The following DDX6 variants were observed in gnomAD, a reference collection of about 807,000 sequenced individuals.
The protein encoded by DDX6 is DEAD-box helicase 6, also known as probable ATP-dependent RNA helicase DDX6.
A neutral mutation model predicts 60.6 loss-of-function variants in DDX6; 7 were observed. The ratio of observed to expected loss-of-function variants is 0.12; its 90% confidence interval spans 0.07 to 0.22. The LOEUF (loss-of-function observed/expected upper bound fraction) is 0.22, where lower values mean the gene tolerates loss of function less well. Ranked by LOEUF, DDX6 falls within the 10% of genes least tolerant of loss-of-function variation. DDX6 has a pLI of 1.00. For missense variants in DDX6, 270 were observed against 589.9 expected (o/e 0.46, Z 5.62); for synonymous variants, 207 against 201.0 (o/e 1.03, Z -0.25).
chr11:118,790,056 C>T (rs983835959), intron 1 of DDX6: 2 of 152,220 alleles, frequency 1.3e-5, no homozygotes, highest in African/African-American at 4.8e-5. Context: ...ACAGTATCGT[C>T]ATCGCCAACA....
At chr11:118,782,054 A>G (rs987605461) in intron 2 of DDX6, among the ~76,000 whole-genome samples, 5 of 151,942 alleles carry the variant, frequency 3.3e-5, no homozygotes, top group Non-Finnish European at 7.4e-5. Flanking sequence ...CTCTACCAAA[A>G]ATACAAAAAT....
chr11:118,779,481 G>C, intron 4 of DDX6, 151 bp downstream of exon 4: 1 of 553,798 alleles, frequency 1.8e-6, no homozygotes, highest in Non-Finnish European at 3.2e-6. Context: ...TAAAAGCCAT[G>C]ATTTTCTAAT....
intron 4 of DDX6, among the ~76,000 whole-genome samples, chr11:118,779,317 G>GA (rs774023266): frequency 2.4e-4 from 36 of 151,922 alleles, no homozygotes; most frequent in Non-Finnish European, 4.0e-4. Context: ...CTGTATAGAA[G>GA]AAAAAAACTG....
chr11:118,764,052 A>G (rs1353608243), intron 6 of DDX6, among the ~76,000 whole-genome samples: 2 of 152,134 alleles, frequency 1.3e-5, no homozygotes, highest in Admixed American at 1.3e-4. Flanking sequence ...TTGTCTTAGG[A>G]TAATTCTCAA....
chr11:118,754,917 G>T, intron 12 of DDX6, 30 bp from the exon 13 acceptor site: 2 of 1,556,188 alleles, frequency 1.3e-6, no homozygotes, highest in South Asian at 1.2e-5. Flanking sequence ...AAATTTTAAT[G>T]AATAAAATAT....
intron 4 of DDX6, among the ~76,000 whole-genome samples, chr11:118,770,930 T>A (rs1488633984): frequency 2.0e-5 from 3 of 151,824 alleles, no homozygotes; most frequent in Non-Finnish European, 2.9e-5. Flanking sequence ...TACTGTTGTC[T>A]TGTTCTTACA....
At position 118,751,887 on chromosome 11, in the gene DDX6, A is replaced by T. The variant is rs1197798845; in HGVS notation, c.*218T>A. 1 of 441,432 alleles carries T rather than the reference A, an allele frequency of 2.3e-6. No individual in the cohort carries two copies. 27.3% of individuals were successfully genotyped at this position (441,432 alleles called of 1,614,324 possible). A position where few individuals can be genotyped will look rare whatever the true frequency, so the allele number is the denominator to read the frequency against. The stretch of plus-strand genomic sequence containing the variant: ...CCAGCAGTTAGTGCAACTAATGTTC[A>T]GTCAGCACACAGTGCAAACAAGTGG... On this transcript the variant is annotated 3_prime_UTR_variant, in exon 14 of 14. Transcript: ENST00000534980.
At chr11:118,782,179 T>C (rs1476097174) in intron 2 of DDX6, among the ~76,000 whole-genome samples, 1 of 152,034 alleles carries the variant, frequency 6.6e-6, no homozygotes, top group African/African-American at 2.4e-5. Flanking sequence ...CCGTTCCAAA[T>C]AAATAAATAA....
Position 118,786,317 on chromosome 11 carries a change from A to T in DDX6, c.-66T>A. 3.7e-6 allele frequency: 5 copies of T among 1,366,510 alleles called. No homozygotes were observed. The highest frequency in any genetic ancestry group is 5.1e-6 in the Non-Finnish European group (5 of 989,272). The allele number at this position is 1,366,510 out of a possible 1,614,324, so 84.6% of individuals were successfully genotyped here. A position where few individuals can be genotyped will look rare whatever the true frequency, so the allele number is the denominator to read the frequency against. On this transcript the variant is annotated 5_prime_UTR_variant, in exon 2 of 14. Coordinates refer to ENST00000534980, the MANE Select transcript of DDX6 (RefSeq NM_004397.6). ...TGAAAGTCAGTAGAGAAACTGTAAT[A>T]ACAGTTTATTAGGCTCTCCAAAATG...
chr11:118,772,684 C>A (rs1205213315), intron 4 of DDX6, among the ~76,000 whole-genome samples: 1 of 152,164 alleles, frequency 6.6e-6, no homozygotes, highest in African/African-American at 2.4e-5. Flanking sequence ...CCCCAAAAAA[C>A]CAACCCCACA....
chr11:118,786,507 A>T lies in DDX6; in HGVS notation c.-256T>A. On this transcript the variant is annotated 5_prime_UTR_variant, in exon 2 of 14. Coordinates refer to ENST00000534980, the MANE Select transcript of DDX6 (RefSeq NM_004397.6). ...ACAAGCTTGAGTTATATCTGAATTC[A>T]CTCACGTCAATCTGAAACAAACAAA... The T allele has an allele frequency of 3.2e-6, 1 of 314,828 alleles. No individual in the cohort carries two copies. The highest frequency in any genetic ancestry group is 4.7e-5 in the East Asian group (1 of 21,112). The allele number at this position is 314,828 out of a possible 1,614,324, so 19.5% of individuals were successfully genotyped here. A position where few individuals can be genotyped will look rare whatever the true frequency, so the allele number is the denominator to read the frequency against.
At chr11:118,753,388 G>A (rs539505796) in intron 13 of DDX6, among the ~76,000 whole-genome samples, 113 of 137,800 alleles carry the variant, frequency 8.2e-4, no homozygotes, top group Non-Finnish European at 1.5e-3. Context: ...CACCCAGGCT[G>A]GAGTGCAGTG....
chr11:118,751,322 G>GT lies in DDX6; in HGVS notation c.*782dup, dbSNP rs529370377. ...TGCTCTTTCCTTTGGGAGCGATGAT[G>GT]TTTTTTATCTACTCAGCCCAGAAGA... On this transcript the variant is annotated 3_prime_UTR_variant, in exon 14 of 14. Coordinates refer to ENST00000534980, the MANE Select transcript of DDX6 (RefSeq NM_004397.6). 2.5e-4 allele frequency: 38 copies of GT among 151,732 alleles called. No individual in the cohort carries two copies. Among genetic ancestry groups the GT allele is most frequent in the African/African-American group, 8.7e-4 (36 of 41,386 alleles). The allele number at this position is 151,732 out of a possible 1,614,324, so 9.4% of individuals were successfully genotyped here.
At chr11:118,774,198 C>T (rs756231787) in intron 4 of DDX6, among the ~76,000 whole-genome samples, 1 of 152,082 alleles carries the variant, frequency 6.6e-6, no homozygotes, top group Non-Finnish European at 1.5e-5. Context: ...TCAATCATAA[C>T]CCCAAAGTTA....
chr11:118,782,577 T>C (rs781947720), intron 2 of DDX6, among the ~76,000 whole-genome samples: 2 of 151,982 alleles, frequency 1.3e-5, no homozygotes, highest in Non-Finnish European at 1.5e-5. Flanking sequence ...AACTAGGTCC[T>C]ACATAATGCA....
chr11:118,754,261 T>G (rs1449043662), intron 13 of DDX6, among the ~76,000 whole-genome samples: 1 of 152,132 alleles, frequency 6.6e-6, no homozygotes, highest in Non-Finnish European at 1.5e-5. Flanking sequence ...AAGACCTTGT[T>G]TCTACCAAAA....
chr11:118,791,314 C>T (rs563382027), upstream of DDX6: 2 of 152,286 alleles, frequency 1.3e-5, no homozygotes, highest in East Asian at 3.9e-4. Flanking sequence ...CACTGCCTTC[C>T]TGGCCTGGTG....
At chr11:118,759,651 G>C (rs1400048139) in intron 8 of DDX6, among the ~76,000 whole-genome samples, 2 of 152,108 alleles carry the variant, frequency 1.3e-5, no homozygotes, top group Non-Finnish European at 2.9e-5. Context: ...AATAATACCG[G>C]AATCAATTCA....
At chr11:118,761,425 T>C (rs1861161792) in intron 7 of DDX6, among the ~76,000 whole-genome samples, 1 of 152,150 alleles carries the variant, frequency 6.6e-6, no homozygotes, top group South Asian at 2.1e-4. Context: ...GAGACCAGCC[T>C]GACCAACATG....
Sources: allele counts gnomAD v4.1 joint callset (sites outside exome capture counted in the v4.1 genomes callset), GRCh38; gene constraint gnomAD v4.1.1; transcripts MANE v1.5; gene names NCBI Gene and HGNC (gene_info 2026-07-23, HGNC 2026-07-21).